The following SIK3 variants were observed in gnomAD, a reference collection of about 807,000 sequenced individuals.
SIK3 encodes the protein serine/threonine-protein kinase SIK3.
Under a neutral mutation model 144.2 loss-of-function variants are expected in SIK3, and 28 were observed. The observed-to-expected ratio is 0.19, with a 90% CI of 0.14 to 0.27. The LOEUF is 0.27. Ranked by LOEUF, SIK3 falls within the 10% of genes least tolerant of loss-of-function variation. The probability of loss-of-function intolerance (pLI) is 1.00; values close to 1 mark genes in which losing one functional copy is unlikely to be tolerated. For synonymous variants in SIK3, 686 were observed against 676.3 expected, an observed-to-expected ratio of 1.01 and a Z score of -0.22; for missense variants, 1,319 against 1,776.0, an observed-to-expected ratio of 0.74 and a Z score of 4.62.
At chr11:116,994,381 T>C (rs184521169) in intron 1 of SIK3, among the ~76,000 whole-genome samples, 46 of 152,288 alleles carry the variant, frequency 3.0e-4, no homozygotes, top group Admixed American at 1.1e-3. Context: ...CTTTAGAGCA[T>C]AGTGGTTAAG....
At chr11:116,910,829 C>CAA (rs947583051) in intron 4 of SIK3, among the ~76,000 whole-genome samples, 1 of 151,598 alleles carries the variant, frequency 6.6e-6, no homozygotes, top group African/African-American at 2.4e-5. Context: ...ACAACAACAA[C>CAA]AAAAAAAACA....
chr11:117,013,078 T>G (rs995464340), intron 1 of SIK3, among the ~76,000 whole-genome samples: 3 of 152,106 alleles, frequency 2.0e-5, no homozygotes, highest in Non-Finnish European at 2.9e-5. Context: ...TAAAAGTTAT[T>G]AGAATAGTAG....
intron 3 of SIK3, among the ~76,000 whole-genome samples, chr11:116,935,173 A>T (rs1330662916): frequency 6.6e-6 from 1 of 151,570 alleles, no homozygotes; most frequent in Non-Finnish European, 1.5e-5. Flanking sequence ...ACTTGAACCC[A>T]GGAGTTCGAG....
intron 4 of SIK3, 28 bp downstream of exon 4, chr11:116,927,191 T>A (rs1418558852): frequency 1.3e-6 from 2 of 1,584,840 alleles, no homozygotes; most frequent in Admixed American, 1.7e-5. Context: ...CCTTTGTCCC[T>A]ATCTGACATC....
At chr11:117,044,839 C>T (rs900177242) in intron 1 of SIK3, among the ~76,000 whole-genome samples, 1 of 152,042 alleles carries the variant, frequency 6.6e-6, no homozygotes, top group African/African-American at 2.4e-5. Context: ...GCTAGGATTG[C>T]GTCACTGCAC....
At chr11:116,859,725 C>A (rs575083741) in intron 19 of SIK3, 121 bp from the exon 20 acceptor site, 3 of 797,938 alleles carry the variant, frequency 3.8e-6, no homozygotes, top group Non-Finnish European at 4.0e-6. Context: ...TCAAACTGCA[C>A]TGAGCATAGG....
At position 116,951,134 on chromosome 11, in the gene SIK3, A is replaced by G. The variant is rs141535482; in HGVS notation, c.454+2910T>C. On this transcript the variant is annotated intron_variant, in intron 3 of 24. Coordinates refer to ENST00000445177, the MANE Select transcript of SIK3 (RefSeq NM_001366686.3). ...TAGATCTTACCTTATACAGACCTGG[A>G]ACCTGTGCACCAGAATCATCTAGTA... Among the ~76,000 whole-genome samples the G allele has an allele frequency of 2.3e-4, 35 of 152,324 alleles. No individual in the cohort carries two copies. In the East Asian group the frequency reaches 5.0e-3, roughly 22 times the overall value.
chr11:116,958,640 G>C (rs1344119690), intron 1 of SIK3, among the ~76,000 whole-genome samples: 1 of 152,208 alleles, frequency 6.6e-6, no homozygotes, highest in Non-Finnish European at 1.5e-5. Flanking sequence ...GGTAGAAAAA[G>C]TCTGGGAAAG....
chr11:116,861,547 C>T (rs1413703831), intron 18 of SIK3, among the ~76,000 whole-genome samples, 164 bp from the exon 19 acceptor site: 1 of 152,116 alleles, frequency 6.6e-6, no homozygotes, highest in African/African-American at 2.4e-5. Context: ...GTATTTAAAA[C>T]CTATCTACAT....
At chr11:116,949,200 A>G (rs1948815549) in intron 3 of SIK3, among the ~76,000 whole-genome samples, 1 of 152,212 alleles carries the variant, frequency 6.6e-6, no homozygotes, top group Admixed American at 6.5e-5. Context: ...GCATGCCACC[A>G]TGCCCAGCTA....
At chr11:116,948,572 C>A (rs1011648326) in intron 3 of SIK3, among the ~76,000 whole-genome samples, 6 of 152,172 alleles carry the variant, frequency 3.9e-5, no homozygotes, top group Non-Finnish European at 7.3e-5. Flanking sequence ...TCACCATGCC[C>A]AGCCCATTTT....
At position 116,857,962 on chromosome 11, in the gene SIK3, C is replaced by T. The variant is rs776123782; in HGVS notation, c.3503G>A (p.Gly1168Asp). The change falls in exon 21 of 25, where the codon GGT becomes GAT. Residue 1168 changes from glycine to aspartate, a missense_variant. Physicochemically the swap from Gly to Asp is moderately conservative, Grantham distance 94. Around this residue, in one of 8 missense-constraint regions of SIK3, gnomAD observed 646 missense variants for 763.7 expected, o/e 0.85. Transcript: ENST00000445177. Reference protein sequence around the residue: ...DSKSSSTLTKGCHDSPLLLST... With the variant: ...DSKSSSTLTKDCHDSPLLLST... ...CAAGAGCAGAGGGCTGTCATGGCAA[C>T]CTTTGGTCAATGTACTTGAACTCTT... is the stretch of plus-strand genomic sequence containing the variant. 6.8e-6 allele frequency: 11 copies of T among 1,614,112 alleles called. No individual in the cohort carries two copies. The East Asian group carries it at 2.0e-4, about 29-fold the overall frequency.
chr11:116,962,223 T>G (rs1255736612), intron 1 of SIK3, among the ~76,000 whole-genome samples: 2 of 152,158 alleles, frequency 1.3e-5, no homozygotes, highest in African/African-American at 4.8e-5. Context: ...AAATGCCCTA[T>G]AGCAGATAGT....
chr11:116,874,098 T>G (rs1565393757), intron 11 of SIK3, 42 bp from the exon 12 acceptor site: 1 of 1,608,520 alleles, frequency 6.2e-7, no homozygotes, highest in East Asian at 2.2e-5. Context: ...GTTAACATTC[T>G]TACTCAAAAG....
chr11:117,046,583 A>T (rs1326607832), intron 1 of SIK3, among the ~76,000 whole-genome samples: 1 of 152,212 alleles, frequency 6.6e-6, no homozygotes, highest in Non-Finnish European at 1.5e-5. Flanking sequence ...TAAAGCTATT[A>T]AACCTACTAT....
chr11:117,032,584 A>G (rs1405765197), intron 1 of SIK3, among the ~76,000 whole-genome samples: 1 of 151,906 alleles, frequency 6.6e-6, no homozygotes, highest in African/African-American at 2.4e-5. Flanking sequence ...ATAGCTCACT[A>G]CAACCTCAAA....
At position 116,861,823 on chromosome 11, in the gene SIK3, AC is replaced by A. The variant is rs772365073; in HGVS notation, c.2315+17del. Reference sequence around the variant, plus strand: ...CTATCGAGACAATGGCTTAGGCACAACACAAAATGACTCATACCTCTGGAGC... The same window carrying A: ...CTATCGAGACAATGGCTTAGGCACAAACAAAATGACTCATACCTCTGGAGC... On this transcript the variant is annotated intron_variant, in intron 18 of 24. Coordinates refer to ENST00000445177, the MANE Select transcript of SIK3 (RefSeq NM_001366686.3). The A allele has an allele frequency of 6.3e-7, 1 of 1,574,896 alleles. No homozygotes were observed. Among genetic ancestry groups the A allele is most frequent in the East Asian group, 2.2e-5 (1 of 44,662 alleles).
intron 4 of SIK3, among the ~76,000 whole-genome samples, chr11:116,901,050 A>G (rs924134132): frequency 4.6e-5 from 7 of 152,034 alleles, no homozygotes; most frequent in African/African-American, 1.7e-4. Flanking sequence ...TTTTTAGTAG[A>G]GACGGGGTTT....
rs1281911179 is a variant in SIK3, at chr11:116,844,597, T to TTA, written c.*1044_*1045dup. 3.6e-4 allele frequency: 31 copies of TTA among 86,448 alleles called. No individual in the cohort carries two copies. Among genetic ancestry groups the TTA allele is most frequent in the South Asian group, 1.7e-3 (6 of 3,510 alleles). The allele number at this position is 86,448 out of a possible 1,614,324, so 5.4% of individuals were successfully genotyped here. A position where few individuals can be genotyped will look rare whatever the true frequency, so the allele number is the denominator to read the frequency against. On this transcript the variant is annotated 3_prime_UTR_variant, in exon 25 of 25. Transcript: ENST00000445177. ...AGAGGAGAGCATATATATATATATTTTATATATATATTATATATATAATAT... is the reference window on the plus strand; with the variant it reads ...AGAGGAGAGCATATATATATATATTTTATATATATATATTATATATATAATAT...
Sources: gnomAD v4.1 joint callset for allele counts (sites outside exome capture counted in the v4.1 genomes callset) on GRCh38, gnomAD v4.1.1 for gene constraint, gnomAD v4.1.1 regional missense constraint, MANE v1.5 for transcripts, NCBI Gene and HGNC (gene_info 2026-07-23, HGNC 2026-07-21) for gene names.